Variants in PODNL1 observed in about 807,000 individuals in gnomAD.
PODNL1 encodes podocan-like protein 1.
A neutral mutation model predicts 45.1 loss-of-function variants in PODNL1; 50 were observed. The ratio of observed to expected loss-of-function variants is 1.11; its 90% confidence interval spans 0.88 to 1.40. The LOEUF (loss-of-function observed/expected upper bound fraction) is 1.40, where lower values mean the gene tolerates loss of function less well. Ranked by LOEUF, PODNL1 falls within the 40% of genes most tolerant of loss-of-function variation. The probability of loss-of-function intolerance (pLI) is 0.00; values close to 1 mark genes in which losing one functional copy is unlikely to be tolerated. For synonymous variants in PODNL1, 406 were observed against 372.5 expected (o/e 1.09, Z -1.04); for missense variants, 788 against 793.3 (o/e 0.99, Z 0.08).
chr19:13,932,518 C>T (rs145827808), intron 8 of PODNL1: 12 of 760,044 alleles, frequency 1.6e-5, no homozygotes, highest in Non-Finnish European at 1.9e-5. Flanking sequence ...TGTGCCACCA[C>T]GCTTGGCTAT....
Position 13,932,950 on chromosome 19 carries a change from G to A in PODNL1, c.1273C>T (p.Arg425Cys), listed in dbSNP as rs551352838. Residue 425 changes from arginine to cysteine, a missense_variant, in exon 8 of 10, where the codon CGC (arginine) becomes TGC (cysteine). Transcript: ENST00000588872. Reference sequence around the variant, plus strand: ...TGGTTGCGTTGCAGCTGCAGGGTGCGCAGGCCAGTGGGCAGGCCCATGGGC... The same window carrying A: ...TGGTTGCGTTGCAGCTGCAGGGTGCACAGGCCAGTGGGCAGGCCCATGGGC... The part of the protein sequence containing the change: ...RLPMGLPTGL[R>C]TLQLQRNQLR... 1.2e-5 allele frequency: 18 copies of A among 1,560,946 alleles called. No homozygotes were observed. The highest frequency in any genetic ancestry group is 5.8e-5 in the South Asian group (5 of 86,400).
chr19:13,950,290 C>G (rs1972956107), intron 1 of PODNL1, among the ~76,000 whole-genome samples: 1 of 152,196 alleles, frequency 6.6e-6, no homozygotes, highest in African/African-American at 2.4e-5. Flanking sequence ...GCCTCAGCCT[C>G]CCGAGTGGCT....
At position 13,935,775 on chromosome 19, in the gene PODNL1, G is replaced by A; in HGVS notation, c.440C>T (p.Ala147Val). ...PRSLRVADLA[A>V]NQVMEIFPLT... ...GGGGAAGATCTCCATCACTTGGTTG[G>A]CAGCCAGATCCGCGACACGGAGGGA... The change falls in exon 5 of 10, where the codon GCC (alanine) becomes GTC (valine). Residue 147 changes from alanine (A) to valine (V), a missense_variant. Physicochemically the swap from Ala to Val is moderately conservative, Grantham distance 64. Around this residue, in one of 3 missense-constraint regions of PODNL1, gnomAD observed 762 missense variants for 750.9 expected, o/e 1.01. Transcript: ENST00000588872. 6.3e-7 allele frequency: 1 copy of A among 1,597,952 alleles called. No homozygotes were observed. Among genetic ancestry groups the A allele is most frequent in the Admixed American group, 1.9e-5 (1 of 54,022 alleles).
rs1869384394 is a variant in PODNL1, at chr19:13,934,388, G to A, written c.517C>T (p.Gln173Ter). 6.5e-7 allele frequency: 1 copy of A among 1,547,008 alleles called. No individual in the cohort carries two copies. Among genetic ancestry groups the A allele is most frequent in the Non-Finnish European group, 8.7e-7 (1 of 1,147,310 alleles). ...ALRSVYLHNNQLSNAGLPPDA... is the reference protein window; with the variant it reads ...ALRSVYLHNN ...GGGGGCAGGCCAGCGTTGCTCAGCT[G>A]GTTGTTGTGGAGGTACACGGACCTG... Residue 173 changes from glutamine (Q) to a stop codon, truncating the protein, a stop_gained, in exon 6 of 10, where the codon CAG becomes TAG. Transcript: ENST00000588872. LOFTEE classifies it high-confidence loss of function.
intron 1 of PODNL1, among the ~76,000 whole-genome samples, chr19:13,952,809 G>A (rs1281039250): frequency 7.0e-6 from 1 of 143,388 alleles, no homozygotes; most frequent in East Asian, 2.1e-4. Flanking sequence ...TGGCTTGGAT[G>A]GAGGGGGCTC....
chr19:13,931,821 C>T lies in PODNL1; in HGVS notation c.1641G>A (p.Val547=), dbSNP rs1405742457. 8.1e-7 allele frequency: 1 copy of T among 1,231,720 alleles called. No homozygotes were observed. Among genetic ancestry groups the T allele is most frequent in the South Asian group, 4.1e-5 (1 of 24,326 alleles). The allele number at this position is 1,231,720 out of a possible 1,614,324, so 76.3% of individuals were successfully genotyped here. Residue 547 remains valine, a synonymous_variant, in exon 10 of 10, where the codon GTG becomes GTA. Coordinates refer to ENST00000588872, the MANE Select transcript of PODNL1 (RefSeq NM_001370095.3). Reference sequence around the variant, plus strand: ...GCTCCGGATTCCCTGCCGTGTCCACCACACGCAGGTTTGGGAGCCCCAGGA... The same window carrying T: ...GCTCCGGATTCCCTGCCGTGTCCACTACACGCAGGTTTGGGAGCCCCAGGA... ...EAFLGLPNLR[V]VDTAGNPEQV...
intron 1 of PODNL1, chr19:13,952,990 A>T (rs1973144960): frequency 2.7e-6 from 3 of 1,117,978 alleles, no homozygotes; most frequent in Non-Finnish European, 3.9e-6. Flanking sequence ...CTCTGCTCCC[A>T]TGGTTGCTCC....
At chr19:13,935,143 A>AGT (rs144912314) in intron 5 of PODNL1, among the ~76,000 whole-genome samples, 11,892 of 148,720 alleles carry the variant, frequency 0.08, 543 homozygotes, top group African/African-American at 0.1. Flanking sequence ...AGTCTGTGTA[A>AGT]GTGTGTGTGT....
intron 1 of PODNL1, among the ~76,000 whole-genome samples, chr19:13,947,043 A>C (rs1194138479): frequency 2.1e-4 from 30 of 145,812 alleles, no homozygotes; most frequent in African/African-American, 2.7e-4. Context: ...AAAAAAAAAA[A>C]CACAAAAAAA....
In PODNL1 at chr19:13,932,773, T is replaced by A. The variant is rs1397065791; in HGVS notation, c.1425+25A>T. ...GGGGATGGAGGGGCCCTGGGGACAG[T>A]GTGGCTAACCAGCCTGTGCCTGACC... is the stretch of plus-strand genomic sequence containing the variant. On this transcript the variant is annotated intron_variant, in intron 8 of 9. Transcript: ENST00000588872. 3 of 1,612,668 alleles carry A rather than the reference T, an allele frequency of 1.9e-6. No individual in the cohort carries two copies. The South Asian group carries it at 3.3e-5, about 18-fold the overall frequency.
At chr19:13,938,985 T>TTGTAA (rs1326952976), upstream of PODNL1, among the ~76,000 whole-genome samples, 2 of 152,096 alleles carry the variant, frequency 1.3e-5, no homozygotes, top group African/African-American at 4.8e-5. Flanking sequence ...GAACAGTGCC[T>TTGTAA]GGCATATCCC....
At position 13,935,996 on chromosome 19, in the gene PODNL1, C is replaced by A. The variant is rs1228417677; in HGVS notation, c.368G>T (p.Cys123Phe). 2 of 1,552,594 alleles carry A rather than the reference C, an allele frequency of 1.3e-6. No individual in the cohort carries two copies. Among genetic ancestry groups the A allele is most frequent in the Non-Finnish European group, 1.7e-6 (2 of 1,148,832 alleles). Reference sequence around the variant, plus strand: ...GGGGCTCACCTTGTTGTGAGCCACGCAGAGGTGCTGCAGCTGGGTGAGGGA... The same window carrying A: ...GGGGCTCACCTTGTTGTGAGCCACGAAGAGGTGCTGCAGCTGGGTGAGGGA... ...FESLTQLQHL[C>F]VAHNKLSVAP... The change falls in exon 4 of 10, where the codon TGC becomes TTC. Residue 123 changes from cysteine to phenylalanine, a missense_variant. Coordinates refer to ENST00000588872, the MANE Select transcript of PODNL1 (RefSeq NM_001370095.3).
At chr19:13,932,633 G>A in intron 8 of PODNL1, 165 bp downstream of exon 8, 3 of 1,527,038 alleles carry the variant, frequency 2.0e-6, no homozygotes, top group Non-Finnish European at 2.7e-6. Context: ...TGGGATTACA[G>A]GCATGAGCCA....
In PODNL1 at chr19:13,935,996, C is replaced by T. The variant is rs1228417677; in HGVS notation, c.368G>A (p.Cys123Tyr). ...FESLTQLQHL[C>Y]VAHNKLSVAP... Reference sequence around the variant, plus strand: ...GGGGCTCACCTTGTTGTGAGCCACGCAGAGGTGCTGCAGCTGGGTGAGGGA... The same window carrying T: ...GGGGCTCACCTTGTTGTGAGCCACGTAGAGGTGCTGCAGCTGGGTGAGGGA... Residue 123 changes from cysteine (C) to tyrosine (Y), a missense_variant, in exon 4 of 10, where the codon TGC becomes TAC. Coordinates refer to ENST00000588872, the MANE Select transcript of PODNL1 (RefSeq NM_001370095.3). 1 of 1,552,712 alleles carries T rather than the reference C, an allele frequency of 6.4e-7. No individual in the cohort carries two copies. Among genetic ancestry groups the T allele is most frequent in the Non-Finnish European group, 8.7e-7 (1 of 1,148,824 alleles).
intron 1 of PODNL1, among the ~76,000 whole-genome samples, chr19:13,944,075 G>A (rs1345715500): frequency 1.3e-5 from 2 of 152,040 alleles, no homozygotes; most frequent in Admixed American, 1.3e-4. Flanking sequence ...GGGGAGACCT[G>A]AATGCTTGTG....
chr19:13,953,031 G>A, intron 1 of PODNL1: 1 of 1,430,766 alleles, frequency 7.0e-7, no homozygotes, highest in South Asian at 1.2e-5. Flanking sequence ...CCTTTGCAGA[G>A]CCCCTGCCGC....
At chr19:13,950,357 T>C (rs1250743429) in intron 1 of PODNL1, among the ~76,000 whole-genome samples, 4 of 152,012 alleles carry the variant, frequency 2.6e-5, no homozygotes, top group African/African-American at 9.7e-5. Flanking sequence ...TTTGTAGAGA[T>C]GAGGGTTTCG....
chr19:13,933,888 T>A lies in PODNL1; in HGVS notation c.757A>T (p.Thr253Ser). 3 of 1,606,436 alleles carry A rather than the reference T, an allele frequency of 1.9e-6. No homozygotes were observed. Among genetic ancestry groups the A allele is most frequent in the Non-Finnish European group, 1.7e-6 (2 of 1,176,754 alleles). Residue 253 changes from threonine to serine, a missense_variant, in exon 7 of 10, where the codon ACC (threonine) becomes TCC (serine). By Grantham distance (58) the Thr-to-Ser change is moderately conservative (BLOSUM62 1). Around this residue, in one of 3 missense-constraint regions of PODNL1, gnomAD observed 762 missense variants for 750.9 expected, o/e 1.01. Coordinates refer to ENST00000588872, the MANE Select transcript of PODNL1 (RefSeq NM_001370095.3). This position sits in a 1 kb window ranked among gnomAD's most constrained non-coding sequence, Gnocchi z 5.2. ...NQLTDSGLDATTFSKLHSLEY... is the reference protein window; with the variant it reads ...NQLTDSGLDASTFSKLHSLEY... ...CCAACCAGCCTGTACCTGAAGGTGGTGGCATCCAGGCCACTGTCTGTCAGC... is the reference window on the plus strand; with the variant it reads ...CCAACCAGCCTGTACCTGAAGGTGGAGGCATCCAGGCCACTGTCTGTCAGC...
intron 1 of PODNL1, among the ~76,000 whole-genome samples, chr19:13,946,525 T>C (rs1451585551): frequency 6.6e-6 from 1 of 152,114 alleles, no homozygotes; most frequent in Non-Finnish European, 1.5e-5. Context: ...CAAGGAAAAT[T>C]GAGCCCAAGG....
Sources: allele counts gnomAD v4.1 joint callset (sites outside exome capture counted in the v4.1 genomes callset), GRCh38; gene constraint gnomAD v4.1.1; regional missense constraint gnomAD v4.1.1; non-coding constraint Gnocchi (gnomAD v3.1); transcripts MANE v1.5; gene names NCBI Gene and HGNC (gene_info 2026-07-23, HGNC 2026-07-21).